The following SART3 variants were observed in gnomAD, a reference collection of about 807,000 sequenced individuals.
SART3 encodes the protein spliceosome associated factor 3, U4/U6 recycling protein.
A neutral mutation model predicts 122.3 loss-of-function variants in SART3; 44 were observed. The observed-to-expected ratio is 0.36, with a 90% confidence interval of 0.28 to 0.46. The LOEUF is 0.46. SART3 is among the 20% of genes least tolerant of loss of function. SART3 has a pLI of 1.00. For synonymous variants in SART3, 442 were observed against 454.0 expected (o/e 0.97, Z 0.34); for missense variants, 1,101 against 1,229.0 (o/e 0.90, Z 1.56).
At chr12:108,532,003 G>T in intron 13 of SART3, 2 of 550,882 alleles carry the variant, frequency 3.6e-6, no homozygotes, top group Non-Finnish European at 6.7e-6. Context: ...AGAACCCTGT[G>T]CTACAGTGAC....
In SART3 at chr12:108,560,884, C is replaced by G. The variant is rs2030503341; in HGVS notation, c.271G>C (p.Glu91Gln). 1 of 1,607,674 alleles carries G rather than the reference C, an allele frequency of 6.2e-7. No individual in the cohort carries two copies. Among genetic ancestry groups the G allele is most frequent in the Non-Finnish European group, 8.5e-7 (1 of 1,175,060 alleles). ...TCAATCTCCAGCTGGTTTTTCTCCT[C>G]CTCTTCGTCATATTCCCACTCGTAC... Reference protein sequence around the residue: ...GEYEWEYDEEEEKNQLEIERL... With the variant: ...GEYEWEYDEEQEKNQLEIERL... The change falls in exon 1 of 19, where the codon GAG (glutamate) becomes CAG (glutamine). Residue 91 changes from glutamate (E) to glutamine (Q), a missense_variant. Physicochemically the swap from Glu to Gln is conservative, Grantham distance 29 (BLOSUM62 2). Coordinates refer to ENST00000546815, the MANE Select transcript of SART3 (RefSeq NM_014706.4).
In SART3 at chr12:108,560,864, C is replaced by T; in HGVS notation, c.291G>A (p.Glu97=). The part of the protein sequence containing the change: ...YDEEEEKNQL[E]IERLEEQLSI... ...CCACCTGCTCCTCCAGTCTCTCAAT[C>T]TCCAGCTGGTTTTTCTCCTCCTCTT... The change falls in exon 1 of 19, where the codon GAG becomes GAA. Residue 97 remains glutamate, a synonymous_variant. Coordinates refer to ENST00000546815, the MANE Select transcript of SART3 (RefSeq NM_014706.4). 4 of 1,600,130 alleles carry T rather than the reference C, an allele frequency of 2.5e-6. No homozygotes were observed. Among genetic ancestry groups the T allele is most frequent in the Non-Finnish European group, 3.4e-6 (4 of 1,170,320 alleles).
chr12:108,536,448 TA>T, intron 11 of SART3, 65 bp downstream of exon 11: 1 of 1,499,890 alleles, frequency 6.7e-7, no homozygotes, highest in South Asian at 1.1e-5. Context: ...CAATTTTAAT[TA>T]AAGTTTAATA....
chr12:108,545,187 G>C lies in SART3; in HGVS notation c.681C>G (p.Leu227=). 3 of 1,614,094 alleles carry C rather than the reference G, an allele frequency of 1.9e-6. No homozygotes were observed. The highest frequency in any genetic ancestry group is 2.5e-6 in the Non-Finnish European group (3 of 1,180,010). Residue 227 remains leucine (L), a synonymous_variant, in exon 4 of 19, where the codon CTC becomes CTG. Coordinates refer to ENST00000546815, the MANE Select transcript of SART3 (RefSeq NM_014706.4). ...TTTCAAACTCTCGGTAAGCCTCCCA[G>C]AGGGCGAGTCCTTTGGTCATATGTA... The part of the protein sequence containing the change: ...VGLHMTKGLA[L]WEAYREFESA...
At chr12:108,528,482 C>CAAAAA (rs398039961) in intron 15 of SART3, among the ~76,000 whole-genome samples, 2 of 98,510 alleles carry the variant, frequency 2.0e-5, no homozygotes, top group African/African-American at 4.0e-5. Flanking sequence ...GACTCCCTCT[C>CAAAAA]AAAAAAAAAA....
At chr12:108,530,060 G>C in intron 15 of SART3, 82 bp downstream of exon 15, 1 of 1,500,996 alleles carries the variant, frequency 6.7e-7, no homozygotes, top group Non-Finnish European at 9.2e-7. Context: ...TAACGGTTCA[G>C]GGAAGAAAGT....
At chr12:108,537,022 G>A in intron 9 of SART3, 1 of 534,674 alleles carries the variant, frequency 1.9e-6, no homozygotes, top group South Asian at 2.0e-5. Context: ...GTGGGGGGGA[G>A]TCTCCCCCAG....
At chr12:108,532,003 G>A in intron 13 of SART3, 1 of 550,884 alleles carries the variant, frequency 1.8e-6, no homozygotes, top group South Asian at 1.8e-5. Flanking sequence ...AGAACCCTGT[G>A]CTACAGTGAC....
chr12:108,553,881 C>T (rs2030107935), intron 1 of SART3, among the ~76,000 whole-genome samples: 1 of 152,142 alleles, frequency 6.6e-6, no homozygotes, highest in South Asian at 2.1e-4. Context: ...TCCCAGTATC[C>T]TAGGAACAAT....
Position 108,526,354 on chromosome 12 carries a change from G to C in SART3, c.2115C>G (p.Thr705=). 1 of 1,613,966 alleles carries C rather than the reference G, an allele frequency of 6.2e-7. No individual in the cohort carries two copies. The highest frequency in any genetic ancestry group is 8.5e-7 in the Non-Finnish European group (1 of 1,179,852). Residue 705 remains threonine, a synonymous_variant, in exon 16 of 19, where the codon ACC becomes ACG. Coordinates refer to ENST00000546815, the MANE Select transcript of SART3 (RefSeq NM_014706.4). ...VLHDSSKDSI[T]VFVSNLPYSM... ...TGTAGGGCAGGTTGCTGACAAAGAC[G>C]GTGATGCTGTCCTTGCTGCTGTCGT...
rs2029887563 is a variant in SART3 at position 108,549,072 on chromosome 12, G to C, written c.439+16C>G. 6.2e-7 allele frequency: 1 copy of C among 1,613,832 alleles called. No homozygotes were observed. Among genetic ancestry groups the C allele is most frequent in the Non-Finnish European group, 8.5e-7 (1 of 1,179,852 alleles). ...TTGTTTCTGTTTCTAAAAGCAGCCT[G>C]ACTGCTGAAGCTTACCTTCAGTCAA... On this transcript the variant is annotated intron_variant, in intron 2 of 18. Coordinates refer to ENST00000546815, the MANE Select transcript of SART3 (RefSeq NM_014706.4).
At chr12:108,555,072 A>T (rs1256783426) in intron 1 of SART3, among the ~76,000 whole-genome samples, 1 of 152,176 alleles carries the variant, frequency 6.6e-6, no homozygotes, top group Non-Finnish European at 1.5e-5. Flanking sequence ...AGGAAGGAGA[A>T]GGAGAGCTGT....
Position 108,526,258 on chromosome 12 carries a change from G to A in SART3, c.2211C>T (p.Pro737=), listed in dbSNP as rs569801046. The part of the protein sequence containing the change: ...EACGEVVQIR[P]IFSNRGDFRG... ...GGAAATCCCCACGGTTGCTGAAGAT[G>A]GGTCGGATCTGGACCACCTCCCCAC... The change falls in exon 16 of 19, where the codon CCC becomes CCT. Residue 737 remains proline (P), a synonymous_variant. Coordinates refer to ENST00000546815, the MANE Select transcript of SART3 (RefSeq NM_014706.4). The A allele has an allele frequency of 3.7e-6, 6 of 1,614,188 alleles. 1 individual carries two copies. The Admixed American group carries it at 8.3e-5, about 22-fold the overall frequency.
intron 3 of SART3, 93 bp from the exon 4 acceptor site, chr12:108,545,416 T>G: frequency 8.4e-7 from 1 of 1,184,602 alleles, no homozygotes; most frequent in Non-Finnish European, 1.2e-6. Context: ...ACCAAAAAAG[T>G]ACTCAGACAG....
At chr12:108,541,953 G>A (rs1403909622) in intron 6 of SART3, among the ~76,000 whole-genome samples, 1 of 147,028 alleles carries the variant, frequency 6.8e-6, no homozygotes, top group African/African-American at 2.5e-5. Context: ...TCCTACCTTC[G>A]CCTCTGGAGA....
At chr12:108,525,376 G>C in intron 17 of SART3, 81 bp downstream of exon 17, 1 of 1,483,120 alleles carries the variant, frequency 6.7e-7, no homozygotes, top group Non-Finnish European at 9.4e-7. Flanking sequence ...CCATTCTAGA[G>C]GTTAAATCAT....
rs200452632 is a variant in SART3 at position 108,523,409 on chromosome 12, C to T, written c.*48G>A. 341 of 1,602,456 alleles carry T rather than the reference C, an allele frequency of 2.1e-4. No homozygotes were observed. Among genetic ancestry groups the T allele is most frequent in the Admixed American group, 2.7e-4 (16 of 60,004 alleles). On this transcript the variant is annotated 3_prime_UTR_variant, in exon 19 of 19. Coordinates refer to ENST00000546815, the MANE Select transcript of SART3 (RefSeq NM_014706.4). ...GTGCACTGCTGGGTGGTGGGAGGTC[C>T]GCCGGGCCAGAGTGAAGTAAGGCAT...
intron 3 of SART3, among the ~76,000 whole-genome samples, chr12:108,545,701 C>G (rs966572317): frequency 5.3e-5 from 8 of 152,158 alleles, no homozygotes; most frequent in Non-Finnish European, 1.2e-4. Flanking sequence ...GGTGCGGTGG[C>G]TCACGCCTGT....
Position 108,560,862 on chromosome 12 carries a change from A to G in SART3, c.293T>C (p.Ile98Thr), listed in dbSNP as rs757065790. 2 of 1,598,702 alleles carry G rather than the reference A, an allele frequency of 1.3e-6. No homozygotes were observed. Among genetic ancestry groups the G allele is most frequent in the Non-Finnish European group, 1.7e-6 (2 of 1,169,490 alleles). The change falls in exon 1 of 19, where the codon ATT becomes ACT. Residue 98 changes from isoleucine to threonine, a missense_variant. Physicochemically the swap from Ile to Thr is moderately conservative, Grantham distance 89. This residue lies in a region of SART3 where 216 missense variants were observed against 148.9 expected (regional missense o/e 1.45). Transcript: ENST00000546815. The stretch of plus-strand genomic sequence containing the variant: ...GCCCACCTGCTCCTCCAGTCTCTCA[A>G]TCTCCAGCTGGTTTTTCTCCTCCTC... ...DEEEEKNQLEIERLEEQLSIN... is the reference protein window; with the variant it reads ...DEEEEKNQLETERLEEQLSIN...
Sources: allele counts gnomAD v4.1 joint callset (sites outside exome capture counted in the v4.1 genomes callset), GRCh38; gene constraint gnomAD v4.1.1; regional missense constraint gnomAD v4.1.1; transcripts MANE v1.5; gene names NCBI Gene and HGNC (gene_info 2026-07-23, HGNC 2026-07-21).